Variants in OR9Q1 observed in about 807,000 individuals in gnomAD.
OR9Q1 encodes olfactory receptor 9Q1.
For synonymous variants in OR9Q1, 153 were observed against 148.6 expected, an observed-to-expected ratio of 1.03 and a Z score of -0.22; for missense variants, 374 against 378.8, an observed-to-expected ratio of 0.99 and a Z score of 0.11.
chr11:58,155,918 C>CTTT lies in OR9Q1; in HGVS notation c.-14-23513_-14-23512insTTT, dbSNP rs139275746. Among the ~76,000 whole-genome samples, 16 of 140,434 alleles carry CTTT rather than the reference C, an allele frequency of 1.1e-4. 2 individuals carry two copies. The highest frequency in any genetic ancestry group is 2.0e-4 in the East Asian group (1 of 4,920). The allele number at this position is 140,434 out of a possible 152,430, so 92.1% of individuals were successfully genotyped here. ...TCTTGCTGTTCTTTTTCTTTTCCTT[C>CTTT]CTTTTTTTTTTTTTTGAGATAGACT... On this transcript the variant is annotated intron_variant, in intron 2 of 2. Transcript: ENST00000335397.
At chr11:58,028,660 A>G (rs1433137287) in intron 1 of OR9Q1, among the ~76,000 whole-genome samples, 1 of 152,192 alleles carries the variant, frequency 6.6e-6, no homozygotes, top group Non-Finnish European at 1.5e-5. Flanking sequence ...CAAACGAGAT[A>G]AATGGGTGGA....
intron 2 of OR9Q1, among the ~76,000 whole-genome samples, chr11:58,064,934 C>T (rs905509181): frequency 4.0e-5 from 6 of 151,800 alleles, no homozygotes; most frequent in Non-Finnish European, 7.4e-5. Flanking sequence ...ACAACACACA[C>T]GCACACAAGC....
At chr11:58,056,329 CTATTAA>C (rs1427024747) in intron 2 of OR9Q1, among the ~76,000 whole-genome samples, 1 of 152,122 alleles carries the variant, frequency 6.6e-6, no homozygotes, top group Non-Finnish European at 1.5e-5. Flanking sequence ...CTTATGAATG[CTATTAA>C]GAGGCAGCTG....
chr11:58,064,327 T>C (rs1342190696), intron 2 of OR9Q1, among the ~76,000 whole-genome samples: 2 of 152,226 alleles, frequency 1.3e-5, no homozygotes, highest in African/African-American at 4.8e-5. Context: ...AAAGGGAGAA[T>C]CCCAGGCCCA....
intron 2 of OR9Q1, among the ~76,000 whole-genome samples, chr11:58,094,356 T>C (rs995587122): frequency 3.3e-5 from 5 of 152,174 alleles, no homozygotes; most frequent in Non-Finnish European, 7.3e-5. Flanking sequence ...TCAGGTGATA[T>C]ATACTCTAAA....
intron 1 of OR9Q1, among the ~76,000 whole-genome samples, chr11:58,042,101 T>TA (rs1413432051): frequency 4.6e-5 from 7 of 152,248 alleles, no homozygotes; most frequent in Non-Finnish European, 8.8e-5. Context: ...ATTCTCTTTT[T>TA]AAACCGTGCT....
intron 2 of OR9Q1, among the ~76,000 whole-genome samples, chr11:58,177,563 A>G (rs974107978): frequency 6.6e-6 from 1 of 152,188 alleles, no homozygotes; most frequent in African/African-American, 2.4e-5. Context: ...ATTTTTGGTA[A>G]ATGAAGAGGC....
chr11:58,084,017 G>C (rs1853612638), intron 2 of OR9Q1, among the ~76,000 whole-genome samples: 2 of 151,906 alleles, frequency 1.3e-5, no homozygotes, highest in Admixed American at 1.3e-4. Context: ...AGTTTGATAA[G>C]AATAGCATTG....
intron 1 of OR9Q1, among the ~76,000 whole-genome samples, chr11:58,025,461 G>A (rs1166596860): frequency 1.3e-5 from 2 of 152,204 alleles, no homozygotes; most frequent in Non-Finnish European, 2.9e-5. Flanking sequence ...AGCCTCCCAA[G>A]GTGTTGGGAT....
chr11:58,158,195 T>G (rs1854425308), intron 2 of OR9Q1, among the ~76,000 whole-genome samples: 1 of 152,150 alleles, frequency 6.6e-6, no homozygotes, highest in African/African-American at 2.4e-5. Context: ...AAACTAACTT[T>G]CTCTGTTTCT....
chr11:58,116,810 T>C (rs1853959627), intron 2 of OR9Q1: 1 of 152,202 alleles, frequency 6.6e-6, no homozygotes, highest in African/African-American at 2.4e-5. Context: ...AAAATTGTTG[T>C]TTCCATATGG....
rs1268363485 is a variant in OR9Q1, at chr11:58,162,521, G to T, written c.-14-16910G>T. 2.0e-5 allele frequency among the ~76,000 whole-genome samples: 3 copies of T among 152,118 alleles called. No homozygotes were observed. The East Asian group carries it at 5.8e-4, about 29-fold the overall frequency. On this transcript the variant is annotated intron_variant, in intron 2 of 2. Transcript: ENST00000335397. ...AAAACCTTTCTGGGTCTTTGGAAAA[G>T]GTAGGGCACTAAGGGAAGGGTGATT...
At chr11:58,139,873 T>C (rs1185967696) in intron 2 of OR9Q1, among the ~76,000 whole-genome samples, 14 of 152,038 alleles carry the variant, frequency 9.2e-5, no homozygotes, top group African/African-American at 3.1e-4. Flanking sequence ...ACTTCCACAA[T>C]GGTTGAACTA....
intron 2 of OR9Q1, among the ~76,000 whole-genome samples, chr11:58,158,811 C>T (rs1461613464): frequency 2.6e-5 from 4 of 152,150 alleles, no homozygotes; most frequent in African/African-American, 9.7e-5. Flanking sequence ...CTGTGATTAG[C>T]CACATTCTGT....
intron 1 of OR9Q1, among the ~76,000 whole-genome samples, chr11:58,027,035 A>G (rs1227500726): frequency 1.3e-5 from 2 of 152,192 alleles, no homozygotes; most frequent in Non-Finnish European, 2.9e-5. Flanking sequence ...GCATTTTTCT[A>G]GAATCATTCA....
At chr11:58,150,385 C>A (rs1590616877) in intron 2 of OR9Q1, among the ~76,000 whole-genome samples, 1 of 152,186 alleles carries the variant, frequency 6.6e-6, no homozygotes, top group Non-Finnish European at 1.5e-5. Context: ...GATCCTCCTA[C>A]CTTGGCCTCC....
At chr11:58,146,164 G>A (rs924820232) in intron 2 of OR9Q1, among the ~76,000 whole-genome samples, 1 of 152,146 alleles carries the variant, frequency 6.6e-6, no homozygotes, top group Non-Finnish European at 1.5e-5. Context: ...GATCACCAAA[G>A]GTCAGAAGCT....
intron 2 of OR9Q1, among the ~76,000 whole-genome samples, chr11:58,134,682 T>A (rs1292914430): frequency 6.6e-6 from 1 of 152,152 alleles, no homozygotes. Flanking sequence ...ACCTCAAGAT[T>A]CCAACTTTTC....
chr11:58,101,988 C>T (rs755686066), intron 2 of OR9Q1, among the ~76,000 whole-genome samples: 1 of 152,128 alleles, frequency 6.6e-6, no homozygotes, highest in Non-Finnish European at 1.5e-5. Context: ...TCAGGTGATC[C>T]ACCCCCCTTG....
Sources: allele counts gnomAD v4.1 joint callset (sites outside exome capture counted in the v4.1 genomes callset), GRCh38; gene constraint gnomAD v4.1.1; transcripts MANE v1.5; gene names NCBI Gene and HGNC (gene_info 2026-07-23, HGNC 2026-07-21).